Variants in OSTF1 observed in about 807,000 individuals in gnomAD.
OSTF1 encodes the protein osteoclast stimulating factor 1, also known as osteoclast-stimulating factor 1.
A neutral mutation model predicts 37.2 loss-of-function variants in OSTF1; 27 were observed. The ratio of observed to expected loss-of-function variants is 0.73; its 90% CI spans 0.54 to 1.00. The LOEUF is 1.00. Among genes scored for constraint, OSTF1 ranks in the 50% least tolerant of loss-of-function variants. The probability of loss-of-function intolerance (pLI) is 0.00; values close to 1 mark genes in which losing one functional copy is unlikely to be tolerated. For missense variants in OSTF1, 232 were observed against 253.8 expected, an observed-to-expected ratio of 0.91 and a Z score of 0.58; for synonymous variants, 82 against 89.2, an observed-to-expected ratio of 0.92 and a Z score of 0.46.
intron 4 of OSTF1, among the ~76,000 whole-genome samples, 200 bp from the exon 5 acceptor site, chr9:75,131,570 C>T (rs1350787189): frequency 2.0e-5 from 3 of 152,146 alleles, no homozygotes; most frequent in Non-Finnish European, 2.9e-5. Context: ...CTTGGTTTCC[C>T]TAAACACATA....
Position 75,140,860 on chromosome 9 carries a change from G to T in OSTF1, c.514G>T (p.Glu172Ter). The change falls in exon 9 of 10, where the codon GAG becomes TAG. Residue 172 changes from glutamate (E) to a stop codon, truncating the protein, a stop_gained. Transcript: ENST00000346234. LOFTEE classifies it high-confidence loss of function. Reference protein sequence around the residue: ...KGARTDLRNIEKKLAFDMATN... With the variant: ...KGARTDLRNI ...TGCTAGAACAGACTTAAGAAACATT[G>T]AGAAGAAGCTGGCCTTCGACATGGC... The T allele has an allele frequency of 6.2e-7, 1 of 1,613,608 alleles. No individual in the cohort carries two copies. Among genetic ancestry groups the T allele is most frequent in the South Asian group, 1.1e-5 (1 of 91,056 alleles).
At chr9:75,104,685 G>A (rs1324104307) in intron 1 of OSTF1, among the ~76,000 whole-genome samples, 1 of 152,210 alleles carries the variant, frequency 6.6e-6, no homozygotes, top group Non-Finnish European at 1.5e-5. Flanking sequence ...CCAGAATAAT[G>A]TAAAAAGGTA....
At chr9:75,092,272 T>G (rs1587431522) in intron 1 of OSTF1, among the ~76,000 whole-genome samples, 1 of 152,254 alleles carries the variant, frequency 6.6e-6, no homozygotes, top group East Asian at 1.9e-4. Flanking sequence ...TGGGAGACCC[T>G]GGCCATTTTT....
At chr9:75,115,380 C>G (rs574303878) in intron 1 of OSTF1, among the ~76,000 whole-genome samples, 2 of 152,300 alleles carry the variant, frequency 1.3e-5, no homozygotes, top group South Asian at 4.1e-4. Flanking sequence ...CAACCTCCAA[C>G]TCCTGGGTTC....
At chr9:75,104,556 CAAAA>C (rs1825251817) in intron 1 of OSTF1, among the ~76,000 whole-genome samples, 2 of 151,754 alleles carry the variant, frequency 1.3e-5, no homozygotes, top group Non-Finnish European at 2.9e-5. Context: ...TAAAAACAAA[CAAAA>C]AAAGCATTAG....
At chr9:75,131,850 T>G (rs1825765738) in intron 5 of OSTF1, 27 bp downstream of exon 5, 1 of 1,569,718 alleles carries the variant, frequency 6.4e-7, no homozygotes, top group South Asian at 1.1e-5. Flanking sequence ...TTGACTGAGG[T>G]ATGCAGTACA....
chr9:75,141,493 TC>T (rs1825943669), intron 9 of OSTF1, among the ~76,000 whole-genome samples: 1 of 152,130 alleles, frequency 6.6e-6, no homozygotes, highest in Admixed American at 6.6e-5. Flanking sequence ...GCAATTAAGT[TC>T]TAATCACCCT....
At chr9:75,088,772 G>A (rs1436614174) in intron 1 of OSTF1, 46 bp downstream of exon 1, 6 of 1,565,356 alleles carry the variant, frequency 3.8e-6, no homozygotes, top group Non-Finnish European at 5.2e-6. Flanking sequence ...CGACCGCCGC[G>A]GTGCCGGCGC....
chr9:75,130,750 A>C (rs1825750154), intron 4 of OSTF1, 109 bp downstream of exon 4: 2 of 719,178 alleles, frequency 2.8e-6, no homozygotes, highest in Non-Finnish European at 5.1e-6. Flanking sequence ...AGTCATTGTC[A>C]GTCTAGGACA....
chr9:75,103,104 T>A (rs1213730251), intron 1 of OSTF1, among the ~76,000 whole-genome samples: 1 of 150,538 alleles, frequency 6.6e-6, no homozygotes, highest in Admixed American at 6.6e-5. Context: ...CCATGCAACA[T>A]AATGATACTC....
chr9:75,096,031 G>A (rs566884440), intron 1 of OSTF1, among the ~76,000 whole-genome samples: 54 of 152,122 alleles, frequency 3.5e-4, no homozygotes, highest in Non-Finnish European at 6.0e-4. Flanking sequence ...GGCTGGGACT[G>A]CAGGCGCCCG....
intron 7 of OSTF1, 22 bp from the exon 8 acceptor site, chr9:75,137,516 C>T (rs1825861357): frequency 6.6e-7 from 1 of 1,522,466 alleles, no homozygotes; most frequent in Non-Finnish European, 9.1e-7. Context: ...AAAAATGGTA[C>T]TTTCTCTTTT....
At chr9:75,097,801 A>G (rs560623474) in intron 1 of OSTF1, among the ~76,000 whole-genome samples, 2 of 147,532 alleles carry the variant, frequency 1.4e-5, no homozygotes, top group East Asian at 4.0e-4. Context: ...CCAATTTTGT[A>G]GTTAACTTGC....
intron 1 of OSTF1, among the ~76,000 whole-genome samples, chr9:75,114,163 G>T (rs80159545): frequency 0.048 from 7,361 of 152,236 alleles, 222 homozygotes; most frequent in Middle Eastern, 0.078. Context: ...TTGTGTGTGT[G>T]TGTGTGTGTG....
chr9:75,089,267 A>C (rs1336274719), intron 1 of OSTF1, among the ~76,000 whole-genome samples: 1 of 149,998 alleles, frequency 6.7e-6, no homozygotes, highest in Admixed American at 6.7e-5. Context: ...GTTTAGAAAA[A>C]AACCCTATAC....
At chr9:75,089,656 C>G (rs1824915320) in intron 1 of OSTF1, among the ~76,000 whole-genome samples, 1 of 152,154 alleles carries the variant, frequency 6.6e-6, no homozygotes, top group Non-Finnish European at 1.5e-5. Flanking sequence ...AAGGGAAATA[C>G]AGGAAATGGA....
At chr9:75,097,220 A>T (rs1056350567) in intron 1 of OSTF1, among the ~76,000 whole-genome samples, 1 of 152,212 alleles carries the variant, frequency 6.6e-6, no homozygotes, top group East Asian at 1.9e-4. Flanking sequence ...CATTCAGGTC[A>T]TCCAAGCAAC....
chr9:75,098,025 T>G (rs915965501), intron 1 of OSTF1, among the ~76,000 whole-genome samples: 22 of 152,050 alleles, frequency 1.4e-4, no homozygotes, highest in African/African-American at 5.3e-4. Flanking sequence ...GCCTGGCTAA[T>G]TTTTGTATTT....
chr9:75,090,296 TGTGTGTG>T (rs1015675910), intron 1 of OSTF1, among the ~76,000 whole-genome samples: 1 of 1,642 alleles, frequency 6.1e-4, no homozygotes, highest in African/African-American at 0.012. Flanking sequence ...CATTGACAGG[TGTGTGTG>T]TGTGTGTGTG....
Sources: gnomAD v4.1 joint callset for allele counts (sites outside exome capture counted in the v4.1 genomes callset) on GRCh38, gnomAD v4.1.1 for gene constraint, MANE v1.5 for transcripts, NCBI Gene and HGNC (gene_info 2026-07-23, HGNC 2026-07-21) for gene names.